The following CERS6 variants were observed in gnomAD, a reference collection of about 807,000 sequenced individuals.
CERS6 encodes LAG1 homolog, ceramide synthase 6.
A neutral mutation model predicts 56.8 loss-of-function variants in CERS6; 26 were observed. The observed-to-expected ratio is 0.46, with a 90% confidence interval of 0.34 to 0.63. CERS6 has a LOEUF of 0.63. Ranked by LOEUF, CERS6 falls within the 30% of genes least tolerant of loss-of-function variation. The pLI is 0.01. For synonymous variants in CERS6, 164 were observed against 173.3 expected (o/e 0.95, Z 0.42); for missense variants, 415 against 467.5 (o/e 0.89, Z 1.04).
At chr2:168,526,623 C>T (rs1228324893) in intron 1 of CERS6, among the ~76,000 whole-genome samples, 2 of 152,194 alleles carry the variant, frequency 1.3e-5, no homozygotes, top group African/African-American at 2.4e-5. Flanking sequence ...CTTAATATCT[C>T]ACAGCTAGTA....
At chr2:168,727,861 T>A (rs1035437615) in intron 8 of CERS6, among the ~76,000 whole-genome samples, 3 of 152,376 alleles carry the variant, frequency 2.0e-5, no homozygotes, top group South Asian at 2.1e-4. Context: ...TGAAACCTGC[T>A]ATCTTTTGGG....
chr2:168,506,796 T>A (rs554910812), intron 1 of CERS6, among the ~76,000 whole-genome samples: 1 of 152,340 alleles, frequency 6.6e-6, no homozygotes, highest in East Asian at 1.9e-4. Context: ...GATTGCTAAC[T>A]TTCCATATTA....
intron 2 of CERS6, among the ~76,000 whole-genome samples, chr2:168,557,832 A>G (rs1044927394): frequency 2.6e-5 from 4 of 152,230 alleles, no homozygotes; most frequent in Non-Finnish European, 4.4e-5. Flanking sequence ...AAAAAACATC[A>G]TAAGCAAATT....
chr2:168,691,804 T>C lies in CERS6; in HGVS notation c.516+720T>C, dbSNP rs147092550. ...GAAATTTCTATAACTCCATGTTCAG[T>C]TGGGATATATTATGTAAGAGAAGCA... On this transcript the variant is annotated intron_variant, in intron 5 of 9. Transcript: ENST00000305747. 3.8e-4 allele frequency among the ~76,000 whole-genome samples: 58 copies of C among 152,288 alleles called. 1 individual carries two copies. Among genetic ancestry groups the C allele is most frequent in the African/African-American group, 1.3e-3 (56 of 41,568 alleles).
At chr2:168,520,687 G>A (rs761742537) in intron 1 of CERS6, among the ~76,000 whole-genome samples, 26 of 121,520 alleles carry the variant, frequency 2.1e-4, no homozygotes, top group Non-Finnish European at 1.6e-4. Flanking sequence ...TTAGCTCACC[G>A]CAACCTCCGC....
At chr2:168,721,563 T>TG (rs1394562439) in intron 8 of CERS6, among the ~76,000 whole-genome samples, 3 of 25,558 alleles carry the variant, frequency 1.2e-4, no homozygotes, top group Non-Finnish European at 3.2e-4. Context: ...TGTTTTTTTT[T>TG]TTGTTTAAAA....
At chr2:168,550,647 T>C (rs1158371720) in intron 2 of CERS6, among the ~76,000 whole-genome samples, 4 of 152,198 alleles carry the variant, frequency 2.6e-5, no homozygotes, top group African/African-American at 4.8e-5. Context: ...GCTGACACAC[T>C]GTACCTTGGT....
intron 1 of CERS6, among the ~76,000 whole-genome samples, chr2:168,512,913 AC>A (rs1396687844): frequency 2.0e-5 from 3 of 151,528 alleles, no homozygotes; most frequent in Non-Finnish European, 4.4e-5. Flanking sequence ...TGATCCTCCC[AC>A]CTCGGCCTCC....
At chr2:168,509,698 T>C (rs1694744402) in intron 1 of CERS6, among the ~76,000 whole-genome samples, 1 of 152,208 alleles carries the variant, frequency 6.6e-6, no homozygotes, top group Non-Finnish European at 1.5e-5. Context: ...TGTAGAGTAT[T>C]TGGTATACTG....
intron 2 of CERS6, among the ~76,000 whole-genome samples, chr2:168,553,369 A>C (rs1695612360): frequency 6.6e-6 from 1 of 152,180 alleles, no homozygotes; most frequent in African/African-American, 2.4e-5. Flanking sequence ...TATGTTAATA[A>C]AAATATAGTG....
chr2:168,510,552 A>G lies in CERS6; in HGVS notation c.171-37044A>G, dbSNP rs117582609. Among the ~76,000 whole-genome samples, 148 of 152,338 alleles carry G rather than the reference A, an allele frequency of 9.7e-4. 3 individuals are homozygous for G. The highest frequency in any genetic ancestry group is 6.6e-3 in the East Asian group (34 of 5,190). ...GAGTACACTCTGTGTTGTTTGCACG[A>G]TAAAATTGCCTGACAGTGCATTTCT... On this transcript the variant is annotated intron_variant, in intron 1 of 9. Coordinates refer to ENST00000305747, the MANE Select transcript of CERS6 (RefSeq NM_203463.3).
intron 8 of CERS6, among the ~76,000 whole-genome samples, chr2:168,761,152 G>A (rs1317329022): frequency 6.6e-6 from 1 of 152,120 alleles, no homozygotes; most frequent in Non-Finnish European, 1.5e-5. Context: ...GCTTCTCACT[G>A]AGAGATATAT....
chr2:168,552,890 A>G (rs970431937), intron 2 of CERS6, among the ~76,000 whole-genome samples: 1 of 152,220 alleles, frequency 6.6e-6, no homozygotes, highest in African/African-American at 2.4e-5. Context: ...TCCTGTTAAC[A>G]AAATTTTCAC....
At chr2:168,586,213 T>TA (rs57792343) in intron 3 of CERS6, among the ~76,000 whole-genome samples, 21,700 of 139,664 alleles carry the variant, frequency 0.16, 2,573 homozygotes, top group African/African-American at 0.34. Flanking sequence ...AAGATACCTT[T>TA]AAAAAAAAAA....
chr2:168,750,391 A>G (rs1215284447), intron 8 of CERS6, among the ~76,000 whole-genome samples: 5 of 152,308 alleles, frequency 3.3e-5, no homozygotes, highest in East Asian at 1.9e-4. Flanking sequence ...AAGAAGAAAA[A>G]ATTTCAATCC....
At position 168,561,065 on chromosome 2, in the gene CERS6, G is replaced by C. The variant is rs1367927640; in HGVS notation, c.277-127G>C. The C allele has an allele frequency of 9.6e-6, 9 of 937,940 alleles. No homozygotes were observed. In the East Asian group the frequency reaches 1.0e-4, roughly 11 times the overall value. 58.1% of individuals were successfully genotyped at this position (937,940 alleles called of 1,614,324 possible). A position where few individuals can be genotyped will look rare whatever the true frequency, so the allele number is the denominator to read the frequency against. ...GCCTCGGTCCTCAGAGGTAAATATAGAAATCTCAGTAGCAGATAGTAAACA... is the reference window on the plus strand; with the variant it reads ...GCCTCGGTCCTCAGAGGTAAATATACAAATCTCAGTAGCAGATAGTAAACA... On this transcript the variant is annotated intron_variant, in intron 2 of 9. Coordinates refer to ENST00000305747, the MANE Select transcript of CERS6 (RefSeq NM_203463.3).
At chr2:168,595,144 A>C (rs899841672) in intron 3 of CERS6, among the ~76,000 whole-genome samples, 2 of 152,194 alleles carry the variant, frequency 1.3e-5, no homozygotes, top group Non-Finnish European at 2.9e-5. Flanking sequence ...CCTAACACTC[A>C]AAGCAGTTCA....
intron 4 of CERS6, among the ~76,000 whole-genome samples, chr2:168,649,643 C>T (rs188167440): frequency 8.7e-4 from 132 of 152,198 alleles, no homozygotes; most frequent in African/African-American, 2.8e-3. Context: ...TTTATCCCCC[C>T]GTAGCAGCTC....
chr2:168,648,138 G>A (rs1452913520), intron 4 of CERS6, among the ~76,000 whole-genome samples: 2 of 152,038 alleles, frequency 1.3e-5, no homozygotes, highest in Non-Finnish European at 2.9e-5. Context: ...AATCCATCAG[G>A]TCCTGGGCTT....
Sources: allele counts gnomAD v4.1 joint callset (sites outside exome capture counted in the v4.1 genomes callset), GRCh38; gene constraint gnomAD v4.1.1; transcripts MANE v1.5; gene names NCBI Gene and HGNC (gene_info 2026-07-23, HGNC 2026-07-21).